The following SIPA1L1 variants were observed in gnomAD, a reference collection of about 807,000 sequenced individuals.
The protein encoded by SIPA1L1 is signal-induced proliferation-associated 1-like protein 1.
Under a neutral mutation model 162.7 loss-of-function variants are expected in SIPA1L1, and 26 were observed. The observed-to-expected ratio is 0.16, with a 90% confidence interval of 0.12 to 0.22. The LOEUF (loss-of-function observed/expected upper bound fraction) is 0.22. Among genes scored for constraint, SIPA1L1 ranks in the 10% least tolerant of loss-of-function variants. The probability of loss-of-function intolerance (pLI) is 1.00; values close to 1 mark genes in which losing one functional copy is unlikely to be tolerated. For synonymous variants in SIPA1L1, 829 were observed against 837.4 expected, an observed-to-expected ratio of 0.99 and a Z score of 0.17; for missense variants, 1,874 against 2,241.0, an observed-to-expected ratio of 0.84 and a Z score of 3.31.
chr14:71,541,733 A>C (rs767890291), intron 4 of SIPA1L1, among the ~76,000 whole-genome samples: 8 of 152,208 alleles, frequency 5.3e-5, no homozygotes, highest in African/African-American at 7.2e-5. Flanking sequence ...TAATTATGCT[A>C]CTGCATTCCA....
chr14:71,347,289 A>G (rs1178305922), intron 2 of SIPA1L1, among the ~76,000 whole-genome samples: 1 of 152,068 alleles, frequency 6.6e-6, no homozygotes, highest in Non-Finnish European at 1.5e-5. Flanking sequence ...ACTGGCTTCT[A>G]ATAATGTTTT....
intron 4 of SIPA1L1, among the ~76,000 whole-genome samples, chr14:71,578,030 C>A (rs917992241): frequency 5.3e-5 from 8 of 152,126 alleles, no homozygotes; most frequent in African/African-American, 1.9e-4. Context: ...CCTACCTCAG[C>A]CTCCCAAGTA....
chr14:71,725,872 T>G (rs1597246613), intron 19 of SIPA1L1, among the ~76,000 whole-genome samples: 1 of 152,328 alleles, frequency 6.6e-6, no homozygotes, highest in East Asian at 1.9e-4. Flanking sequence ...CTAGAAAGCT[T>G]TAAGAAGAAC....
chr14:71,415,627 C>CTT (rs397714324), intron 2 of SIPA1L1, among the ~76,000 whole-genome samples: 1 of 151,306 alleles, frequency 6.6e-6, no homozygotes, highest in African/African-American at 2.4e-5. Context: ...TCTAGATATA[C>CTT]TTTTTTTTTC....
chr14:71,698,678 A>G (rs1180074345), intron 13 of SIPA1L1, among the ~76,000 whole-genome samples: 1 of 152,206 alleles, frequency 6.6e-6, no homozygotes, highest in Non-Finnish European at 1.5e-5. Flanking sequence ...ATACTAGGAA[A>G]CTGCATAAGT....
chr14:71,631,884 T>C (rs2040608736), intron 7 of SIPA1L1, among the ~76,000 whole-genome samples: 1 of 152,212 alleles, frequency 6.6e-6, no homozygotes, highest in South Asian at 2.1e-4. Flanking sequence ...GTATAGAAAT[T>C]TATCTTCAGG....
intron 5 of SIPA1L1, among the ~76,000 whole-genome samples, chr14:71,608,714 G>A (rs1235768034): frequency 6.6e-6 from 1 of 152,212 alleles, no homozygotes; most frequent in East Asian, 1.9e-4. Flanking sequence ...GACCAACGTG[G>A]TGAAACCCCG....
intron 2 of SIPA1L1, among the ~76,000 whole-genome samples, chr14:71,490,596 C>T (rs2049164823): frequency 6.6e-6 from 1 of 152,026 alleles, no homozygotes; most frequent in Non-Finnish European, 1.5e-5. Flanking sequence ...AACAGAGGAC[C>T]TCTGTGAATA....
At chr14:71,432,325 G>A (rs1217377808) in intron 2 of SIPA1L1, among the ~76,000 whole-genome samples, 1 of 151,908 alleles carries the variant, frequency 6.6e-6, no homozygotes, top group African/African-American at 2.4e-5. Context: ...CTCCTGCCTC[G>A]GCCTCCCAGA....
At chr14:71,544,140 C>T (rs1420183653) in intron 4 of SIPA1L1, among the ~76,000 whole-genome samples, 1 of 150,314 alleles carries the variant, frequency 6.7e-6, no homozygotes, top group African/African-American at 2.5e-5. Context: ...TATGTATATA[C>T]ATATATGCAC....
chr14:71,542,372 T>G, intron 4 of SIPA1L1, among the ~76,000 whole-genome samples: 1 of 147,694 alleles, frequency 6.8e-6, no homozygotes, highest in Admixed American at 6.8e-5. Flanking sequence ...TTCTTCCTGC[T>G]GCTGCTGCTG....
intron 4 of SIPA1L1, among the ~76,000 whole-genome samples, chr14:71,554,818 G>A (rs1468175528): frequency 1.3e-5 from 2 of 151,934 alleles, no homozygotes; most frequent in Non-Finnish European, 2.9e-5. Flanking sequence ...AAATAATGCT[G>A]TGATGAACCC....
chr14:71,415,734 G>C (rs993248927), intron 2 of SIPA1L1, among the ~76,000 whole-genome samples: 28 of 148,644 alleles, frequency 1.9e-4, no homozygotes, highest in Non-Finnish European at 3.3e-4. Context: ...ATCTCACTCT[G>C]TCTCCCAGAC....
chr14:71,436,656 A>T (rs1042255383), intron 2 of SIPA1L1, among the ~76,000 whole-genome samples: 1 of 151,566 alleles, frequency 6.6e-6, no homozygotes, highest in Non-Finnish European at 1.5e-5. Context: ...ATTTTATACT[A>T]TCTGGCAAAT....
At chr14:71,595,780 G>A (rs2035959942) in intron 5 of SIPA1L1, among the ~76,000 whole-genome samples, 1 of 152,096 alleles carries the variant, frequency 6.6e-6, no homozygotes, top group South Asian at 2.1e-4. Context: ...CTCTCCTTCT[G>A]TAAATTAAAG....
intron 4 of SIPA1L1, among the ~76,000 whole-genome samples, chr14:71,539,650 TG>T (rs2054207487): frequency 6.6e-6 from 1 of 152,210 alleles, no homozygotes; most frequent in East Asian, 1.9e-4. Flanking sequence ...AGATGGATTT[TG>T]TAGCCTTTGT....
intron 4 of SIPA1L1, among the ~76,000 whole-genome samples, chr14:71,559,040 C>G (rs1055374507): frequency 6.6e-6 from 1 of 151,512 alleles, no homozygotes; most frequent in Non-Finnish European, 1.5e-5. Flanking sequence ...TTTTCATTTT[C>G]TACTCAATCG....
At chr14:71,689,376 T>C (rs865966000) in intron 13 of SIPA1L1, among the ~76,000 whole-genome samples, 2 of 152,280 alleles carry the variant, frequency 1.3e-5, no homozygotes, top group South Asian at 4.1e-4. Context: ...TTTGTGAGAG[T>C]AGTAGTTATT....
intron 7 of SIPA1L1, among the ~76,000 whole-genome samples, chr14:71,634,119 G>A (rs548036968): frequency 3.3e-5 from 5 of 151,406 alleles, no homozygotes; most frequent in Non-Finnish European, 7.4e-5. Flanking sequence ...AGGGAAGAAC[G>A]GCTGGGCACG....
Sources: gnomAD v4.1 joint callset for allele counts (sites outside exome capture counted in the v4.1 genomes callset) on GRCh38, gnomAD v4.1.1 for gene constraint, MANE v1.5 for transcripts, NCBI Gene and HGNC (gene_info 2026-07-23, HGNC 2026-07-21) for gene names.